The following EFCAB6 variants were observed in gnomAD, a reference collection of about 807,000 sequenced individuals.
EFCAB6 encodes EF-hand calcium-binding domain-containing protein 6.
Under a neutral mutation model 169.8 loss-of-function variants are expected in EFCAB6, and 156 were observed. The ratio of observed to expected loss-of-function variants is 0.92; its 90% CI spans 0.81 to 1.05. The LOEUF (loss-of-function observed/expected upper bound fraction) is 1.05. Among genes scored for constraint, EFCAB6 ranks in the 50% least tolerant of loss-of-function variants. The pLI, the probability that EFCAB6 is intolerant of heterozygous loss-of-function variation, is 0.00. For synonymous variants in EFCAB6, 698 were observed against 676.4 expected (o/e 1.03, Z -0.50); for missense variants, 1,800 against 1,829.1 (o/e 0.98, Z 0.29).
At chr22:43,543,605 A>G (rs1036719087) in intron 27 of EFCAB6, among the ~76,000 whole-genome samples, 2 of 152,142 alleles carry the variant, frequency 1.3e-5, no homozygotes, top group African/African-American at 2.4e-5. Flanking sequence ...CTTGGGCCCA[A>G]GGTCTGCTCC....
intron 20 of EFCAB6, among the ~76,000 whole-genome samples, chr22:43,621,684 A>AT (rs1175878476): frequency 6.6e-6 from 1 of 152,108 alleles, no homozygotes; most frequent in Non-Finnish European, 1.5e-5. Flanking sequence ...AAAGAAGGAA[A>AT]TAATAAAGAC....
chr22:43,678,197 A>T, intron 12 of EFCAB6, 34 bp from the exon 13 acceptor site: 11 of 575,744 alleles, frequency 1.9e-5, no homozygotes, highest in Non-Finnish European at 2.1e-5. Context: ...GGAATTTTTG[A>T]AAAAAAAAAA....
chr22:43,549,967 A>G (rs1468851227), intron 27 of EFCAB6, among the ~76,000 whole-genome samples: 2 of 152,238 alleles, frequency 1.3e-5, no homozygotes, highest in Non-Finnish European at 2.9e-5. Context: ...ACATCTATTC[A>G]TGGTAAACAG....
intron 24 of EFCAB6, among the ~76,000 whole-genome samples, chr22:43,587,641 T>C (rs551328160): frequency 6.6e-5 from 10 of 152,338 alleles, no homozygotes; most frequent in Admixed American, 3.9e-4. Flanking sequence ...TGTGATGGCA[T>C]TGAAGGCCCA....
chr22:43,703,076 T>C (rs2058825046), intron 10 of EFCAB6, among the ~76,000 whole-genome samples: 1 of 152,130 alleles, frequency 6.6e-6, no homozygotes, highest in Non-Finnish European at 1.5e-5. Context: ...AGCAATTCCA[T>C]CTAACCTTGG....
intron 17 of EFCAB6, among the ~76,000 whole-genome samples, chr22:43,656,346 G>C (rs921984925): frequency 2.4e-4 from 36 of 151,766 alleles, no homozygotes; most frequent in African/African-American, 8.7e-4. Flanking sequence ...AGCCAAGATT[G>C]CTGCCATTGC....
At chr22:43,806,037 G>A (rs1269821912) in intron 2 of EFCAB6, among the ~76,000 whole-genome samples, 1 of 151,820 alleles carries the variant, frequency 6.6e-6, no homozygotes, top group East Asian at 1.9e-4. Context: ...GTGGTGGTGA[G>A]TGCCTGTAAT....
chr22:43,628,339 G>C lies in EFCAB6; in HGVS notation c.2233-1660C>G, dbSNP rs1363731464. On this transcript the variant is annotated intron_variant, in intron 19 of 31. Coordinates refer to ENST00000262726, the MANE Select transcript of EFCAB6 (RefSeq NM_022785.4). This position sits in a 1 kb window ranked among gnomAD's most constrained non-coding sequence, Gnocchi z 4.8. Reference sequence around the variant, plus strand: ...ACACATCCCGCTGGCTCTCCCTTCAGAGTGCATTAGCACTGGACCCCCTCT... The same window carrying C: ...ACACATCCCGCTGGCTCTCCCTTCACAGTGCATTAGCACTGGACCCCCTCT... Among the ~76,000 whole-genome samples, 3 of 152,056 alleles carry C rather than the reference G, an allele frequency of 2.0e-5. No homozygotes were observed. The highest frequency in any genetic ancestry group is 4.4e-5 in the Non-Finnish European group (3 of 67,992).
chr22:43,635,789 G>A (rs189988421), intron 17 of EFCAB6, among the ~76,000 whole-genome samples: 1 of 152,206 alleles, frequency 6.6e-6, no homozygotes, highest in Admixed American at 6.5e-5. Flanking sequence ...ATGACCTACT[G>A]TTTCAGTTTT....
At chr22:43,784,631 ATG>A (rs370664362) in intron 2 of EFCAB6, among the ~76,000 whole-genome samples, 3 of 42,376 alleles carry the variant, frequency 7.1e-5, no homozygotes, top group Non-Finnish European at 9.4e-5. Context: ...ACACATATAT[ATG>A]TATATGTACA....
intron 10 of EFCAB6, among the ~76,000 whole-genome samples, chr22:43,701,008 G>GA (rs2058747006): frequency 6.6e-6 from 1 of 152,046 alleles, no homozygotes; most frequent in Non-Finnish European, 1.5e-5. Context: ...ATAAATAAAA[G>GA]AGTCTATCTC....
rs1315154013 is a variant in EFCAB6 at position 43,554,899 on chromosome 22, A to G, written c.3618T>C (p.Asn1206=). The change falls in exon 27 of 32, where the codon AAT becomes AAC. Residue 1206 remains asparagine (N), a synonymous_variant. Coordinates refer to ENST00000262726, the MANE Select transcript of EFCAB6 (RefSeq NM_022785.4). ...CGTCCGTCAGGATTTGGACGCGGCG[A>G]TTACAAATGGCCCTAAACTCCTCTC... ...ISREEFRAIC[N]RRVQILTDEQ... 2.5e-6 allele frequency: 4 copies of G among 1,614,020 alleles called. No individual in the cohort carries two copies. Among genetic ancestry groups the G allele is most frequent in the Non-Finnish European group, 3.4e-6 (4 of 1,180,042 alleles).
intron 17 of EFCAB6, among the ~76,000 whole-genome samples, chr22:43,662,367 C>T (rs527276851): frequency 2.3e-4 from 35 of 152,154 alleles, no homozygotes; most frequent in African/African-American, 8.0e-4. Flanking sequence ...TAGGCAGCCA[C>T]CCTCTGCCAT....
chr22:43,653,705 G>T (rs1602985255), intron 17 of EFCAB6, among the ~76,000 whole-genome samples: 1 of 152,164 alleles, frequency 6.6e-6, no homozygotes, highest in Non-Finnish European at 1.5e-5. Flanking sequence ...TACCTAAGTG[G>T]TAATTTTGAC....
intron 10 of EFCAB6, among the ~76,000 whole-genome samples, chr22:43,695,838 T>C (rs897879357): frequency 2.0e-5 from 3 of 152,038 alleles, no homozygotes; most frequent in Non-Finnish European, 4.4e-5. Context: ...TGAATCCAAA[T>C]GTAAAAGCTA....
At chr22:43,797,824 C>G (rs2062566878) in intron 2 of EFCAB6, among the ~76,000 whole-genome samples, 1 of 152,166 alleles carries the variant, frequency 6.6e-6, no homozygotes, top group African/African-American at 2.4e-5. Context: ...TGCCATCCTC[C>G]CCCGGCTCCC....
intron 6 of EFCAB6, among the ~76,000 whole-genome samples, chr22:43,755,485 G>A (rs1174597496): frequency 6.6e-6 from 1 of 152,210 alleles, no homozygotes; most frequent in African/African-American, 2.4e-5. Flanking sequence ...AGAAAAGGCA[G>A]CCCTACTAAT....
chr22:43,811,409 A>AAAAAG (rs1026186776), intron 1 of EFCAB6, among the ~76,000 whole-genome samples: 14 of 151,206 alleles, frequency 9.3e-5, no homozygotes, highest in Admixed American at 2.6e-4. Context: ...AAAGAAAAGA[A>AAAAAG]AAAAGAAAAG....
intron 26 of EFCAB6, among the ~76,000 whole-genome samples, chr22:43,571,559 A>AGTCTG (rs1356506028): frequency 6.6e-6 from 1 of 152,216 alleles, no homozygotes; most frequent in East Asian, 1.9e-4. Context: ...TGATGAATGC[A>AGTCTG]GTCTGGGGTT....
Sources: gnomAD v4.1 joint callset for allele counts (sites outside exome capture counted in the v4.1 genomes callset) on GRCh38, gnomAD v4.1.1 for gene constraint, Gnocchi (gnomAD v3.1) non-coding constraint, MANE v1.5 for transcripts, NCBI Gene and HGNC (gene_info 2026-07-23, HGNC 2026-07-21) for gene names.